Variants in CAST observed in about 807,000 individuals in gnomAD.
CAST encodes the protein MIR583 host.
A neutral mutation model predicts 119.6 loss-of-function variants in CAST; 76 were observed. The ratio of observed to expected loss-of-function variants is 0.64; its 90% CI spans 0.53 to 0.77. The LOEUF (loss-of-function observed/expected upper bound fraction) is 0.77, where lower values mean the gene tolerates loss of function less well. Ranked by LOEUF, CAST falls within the 30% of genes least tolerant of loss-of-function variation. The probability of loss-of-function intolerance (pLI) is 0.00; values close to 1 mark genes in which losing one functional copy is unlikely to be tolerated. For missense variants in CAST, 953 were observed against 946.5 expected (o/e 1.01, Z -0.09); for synonymous variants, 319 against 331.6 (o/e 0.96, Z 0.41).
At chr5:96,300,207 G>T in the CAST span, among the ~76,000 whole-genome samples, 1 of 151,940 alleles carries the variant, frequency 6.6e-6, no homozygotes, top group Non-Finnish European at 1.5e-5. Context: ...TTTCTTCCCT[G>T]CTTTCTCTAG....
At chr5:96,733,050 A>T (rs1760888443) in intron 9 of CAST, among the ~76,000 whole-genome samples, 1 of 152,254 alleles carries the variant, frequency 6.6e-6, no homozygotes, top group Non-Finnish European at 1.5e-5. Flanking sequence ...TCCCTGAAAC[A>T]TCATTTTTTT....
chr5:96,722,502 C>T (rs997584178), intron 3 of CAST, 137 bp from the exon 4 acceptor site: 1 of 651,354 alleles, frequency 1.5e-6, no homozygotes, highest in African/African-American at 1.8e-5. Context: ...ACACCACCTC[C>T]TACTAGATTT....
At chr5:96,472,471 G>A in the CAST span, among the ~76,000 whole-genome samples, 20,843 of 152,090 alleles carry the variant, frequency 0.14, 1,463 homozygotes, top group Middle Eastern at 0.16. Context: ...ATATCACATT[G>A]TAGGCACTCA....
the CAST span, among the ~76,000 whole-genome samples, chr5:96,255,924 T>C: frequency 6.6e-6 from 1 of 152,142 alleles, no homozygotes; most frequent in African/African-American, 2.4e-5. Context: ...TTAAGTGTGC[T>C]ACAAAATAAA....
chr5:96,530,814 A>G (rs968439209), intron 1 of CAST, among the ~76,000 whole-genome samples: 3 of 152,122 alleles, frequency 2.0e-5, no homozygotes, highest in African/African-American at 7.2e-5. Flanking sequence ...TCTCTTGAGA[A>G]TGGCTCTTAC....
the CAST span, among the ~76,000 whole-genome samples, chr5:96,195,216 A>C: frequency 2.0e-5 from 3 of 152,234 alleles, no homozygotes; most frequent in South Asian, 6.2e-4. Context: ...CCTCCTCCAG[A>C]AGAGCCCAAC....
the CAST span, chr5:95,961,557 G>T: frequency 3.3e-5 from 52 of 1,563,630 alleles, 1 homozygote; most frequent in South Asian, 5.5e-4. Flanking sequence ...AGCCCAGCCT[G>T]CCGGCCGGCC....
the CAST span, among the ~76,000 whole-genome samples, chr5:96,051,977 G>A: frequency 6.6e-6 from 1 of 151,946 alleles, no homozygotes. Context: ...ACAAGAGAAG[G>A]AACAATAAAC....
At chr5:96,007,297 G>T in the CAST span, among the ~76,000 whole-genome samples, 1 of 152,162 alleles carries the variant, frequency 6.6e-6, no homozygotes, top group Non-Finnish European at 1.5e-5. Flanking sequence ...TGCAGATTAA[G>T]CTTCCCTAAG....
intron 1 of CAST, among the ~76,000 whole-genome samples, chr5:96,539,461 C>G (rs984992034): frequency 6.6e-6 from 1 of 152,092 alleles, no homozygotes; most frequent in African/African-American, 2.4e-5. Context: ...TTCAAACTTC[C>G]TTTCAACTCA....
At chr5:96,432,582 G>T in the CAST span, among the ~76,000 whole-genome samples, 1 of 152,198 alleles carries the variant, frequency 6.6e-6, no homozygotes, top group Non-Finnish European at 1.5e-5. Flanking sequence ...CTTCCAAACC[G>T]CGCGGGAACG....
the CAST span, among the ~76,000 whole-genome samples, chr5:96,155,326 C>T: frequency 6.4e-4 from 98 of 152,254 alleles, no homozygotes; most frequent in Middle Eastern, 3.4e-3. Flanking sequence ...GGATGGTCCC[C>T]GCCCATCATG....
chr5:96,530,348 A>G (rs540378698), intron 1 of CAST, among the ~76,000 whole-genome samples: 5 of 152,186 alleles, frequency 3.3e-5, no homozygotes, highest in Non-Finnish European at 7.4e-5. Flanking sequence ...GACCCTGCAG[A>G]GGTAAAGAGT....
chr5:95,982,483 G>T, the CAST span, among the ~76,000 whole-genome samples: 1 of 152,176 alleles, frequency 6.6e-6, no homozygotes, highest in Non-Finnish European at 1.5e-5. Context: ...AAGGGTTAAA[G>T]ATATTACTCT....
chr5:96,315,171 T>C, the CAST span, among the ~76,000 whole-genome samples: 4 of 152,226 alleles, frequency 2.6e-5, no homozygotes, highest in Admixed American at 1.3e-4. Flanking sequence ...AAGTAATTGC[T>C]TTAATCATGT....
the CAST span, among the ~76,000 whole-genome samples, chr5:96,418,158 A>C: frequency 6.6e-6 from 1 of 152,206 alleles, no homozygotes; most frequent in Non-Finnish European, 1.5e-5. Flanking sequence ...ATATGCATTG[A>C]CATGTTTTCC....
At chr5:96,295,490 G>A in the CAST span, among the ~76,000 whole-genome samples, 8 of 152,172 alleles carry the variant, frequency 5.3e-5, no homozygotes, top group South Asian at 4.1e-4. Context: ...ATTTGAAGAC[G>A]AGACAAACGA....
chr5:96,039,165 G>C, the CAST span, among the ~76,000 whole-genome samples: 1 of 152,086 alleles, frequency 6.6e-6, no homozygotes, highest in African/African-American at 2.4e-5. Flanking sequence ...CTGCATAAAT[G>C]TCTTCTTTTG....
At chr5:96,182,355 A>C in the CAST span, among the ~76,000 whole-genome samples, 1 of 152,232 alleles carries the variant, frequency 6.6e-6, no homozygotes, top group African/African-American at 2.4e-5. Context: ...GCCTGGAGTA[A>C]GGCATGAGTT....
Sources: gnomAD v4.1 joint callset for allele counts (sites outside exome capture counted in the v4.1 genomes callset) on GRCh38, gnomAD v4.1.1 for gene constraint, MANE v1.5 for transcripts, NCBI Gene and HGNC (gene_info 2026-07-23, HGNC 2026-07-21) for gene names.